ERBB4: variants seen among roughly 807,000 people sequenced by gnomAD.
ERBB4 encodes receptor tyrosine-protein kinase erbB-4.
ERBB4 carries 42 observed loss-of-function variants against 158.0 expected under a neutral mutation model. The observed-to-expected ratio is 0.27, with a 90% CI of 0.21 to 0.34. ERBB4 has a LOEUF of 0.34. ERBB4 is among the 10% of genes least tolerant of loss of function. ERBB4 has a pLI of 1.00. For missense variants in ERBB4, 1,333 were observed against 1,624.1 expected (o/e 0.82, Z 3.08); for synonymous variants, 583 against 558.7 (o/e 1.04, Z -0.61).
Position 211,712,942 on chromosome 2 carries a change from T to C in ERBB4, c.997+593A>G, listed in dbSNP as rs537595562. On this transcript the variant is annotated intron_variant, in intron 8 of 27. Transcript: ENST00000342788. ...TCAGGAGATTTAGACTTTATTTTCA[T>C]CTTGCTTAATTTAGGTTTCATTCTG... Among the ~76,000 whole-genome samples the C allele has an allele frequency of 2.6e-5, 4 of 152,252 alleles. No individual in the cohort carries two copies. The South Asian group carries it at 6.2e-4, about 24-fold the overall frequency.
chr2:211,736,978 CA>C (rs553295189), intron 5 of ERBB4, among the ~76,000 whole-genome samples: 19 of 152,088 alleles, frequency 1.2e-4, no homozygotes, highest in Admixed American at 1.2e-3. Context: ...CAACATTTAC[CA>C]AAAAAGTCAT....
chr2:212,525,819 A>G (rs1692417078), intron 1 of ERBB4, among the ~76,000 whole-genome samples: 1 of 152,018 alleles, frequency 6.6e-6, no homozygotes, highest in Non-Finnish European at 1.5e-5. Context: ...CTGGCAGGTG[A>G]ATGACTACTT....
intron 1 of ERBB4, among the ~76,000 whole-genome samples, chr2:212,394,568 T>C (rs2090970051): frequency 6.6e-6 from 1 of 152,090 alleles, no homozygotes; most frequent in Non-Finnish European, 1.5e-5. Flanking sequence ...AGACCATTAA[T>C]ATTCATTTTG....
At chr2:211,561,302 C>G (rs1227980576) in intron 20 of ERBB4, among the ~76,000 whole-genome samples, 2 of 152,136 alleles carry the variant, frequency 1.3e-5, no homozygotes, top group African/African-American at 4.8e-5. Flanking sequence ...TAATATTCCC[C>G]AATTCACAGT....
intron 16 of ERBB4, among the ~76,000 whole-genome samples, chr2:211,639,392 T>C (rs1327062455): frequency 6.6e-6 from 1 of 152,176 alleles, no homozygotes; most frequent in Non-Finnish European, 1.5e-5. Flanking sequence ...TTACATTAGG[T>C]ACCAAAATTG....
chr2:211,668,768 T>C (rs1414915260), intron 14 of ERBB4, among the ~76,000 whole-genome samples: 3 of 152,130 alleles, frequency 2.0e-5, no homozygotes, highest in African/African-American at 7.2e-5. Flanking sequence ...TAGAGGTGAC[T>C]ATGAGATAAC....
intron 1 of ERBB4, among the ~76,000 whole-genome samples, chr2:212,449,381 T>C (rs766691552): frequency 6.6e-6 from 1 of 152,170 alleles, no homozygotes; most frequent in South Asian, 2.1e-4. Context: ...CTAGCTGCTT[T>C]TGGTAATTTG....
At chr2:211,957,417 C>T (rs74712994) in intron 2 of ERBB4, among the ~76,000 whole-genome samples, 9,962 of 152,120 alleles carry the variant, frequency 0.065, 670 homozygotes, top group East Asian at 0.28. Flanking sequence ...CTTCCAGCTC[C>T]AGAATTGTGA....
intron 3 of ERBB4, among the ~76,000 whole-genome samples, chr2:211,862,725 A>G (rs1575271743): frequency 2.6e-5 from 4 of 152,378 alleles, no homozygotes; most frequent in Non-Finnish European, 5.9e-5. Flanking sequence ...TATTTTACTT[A>G]GAAAAAAGGG....
chr2:211,622,815 T>C (rs1042280819), intron 18 of ERBB4, among the ~76,000 whole-genome samples: 6 of 149,636 alleles, frequency 4.0e-5, no homozygotes, highest in Non-Finnish European at 8.9e-5. Context: ...ATACAAAAAT[T>C]AGCCAGGCAT....
chr2:211,407,359 T>G (rs996341501), intron 25 of ERBB4, among the ~76,000 whole-genome samples: 3 of 152,146 alleles, frequency 2.0e-5, no homozygotes, highest in African/African-American at 7.2e-5. Context: ...TGTAGTAGGC[T>G]CCAAATGAAT....
intron 1 of ERBB4, among the ~76,000 whole-genome samples, chr2:212,280,778 A>C (rs187076848): frequency 6.6e-6 from 1 of 151,770 alleles, no homozygotes; most frequent in East Asian, 1.9e-4. Context: ...TCATGAATTG[A>C]ATGAAACTAA....
At chr2:212,168,389 CT>C (rs1347819362) in intron 1 of ERBB4, among the ~76,000 whole-genome samples, 1 of 152,126 alleles carries the variant, frequency 6.6e-6, no homozygotes, top group Non-Finnish European at 1.5e-5. Flanking sequence ...CATGACATCT[CT>C]TTTCTTCAAT....
chr2:211,391,401 C>T (rs1407059204), intron 25 of ERBB4, among the ~76,000 whole-genome samples: 2 of 152,154 alleles, frequency 1.3e-5, no homozygotes, highest in Admixed American at 6.5e-5. Flanking sequence ...CATCAAAGTC[C>T]AGCTTTGCAG....
At chr2:212,233,167 T>C (rs2083727320) in intron 1 of ERBB4, among the ~76,000 whole-genome samples, 1 of 152,164 alleles carries the variant, frequency 6.6e-6, no homozygotes, top group Non-Finnish European at 1.5e-5. Flanking sequence ...AATAATGATA[T>C]AATGACCATG....
intron 3 of ERBB4, among the ~76,000 whole-genome samples, chr2:211,907,069 C>T (rs2079414075): frequency 6.6e-6 from 1 of 151,774 alleles, no homozygotes; most frequent in African/African-American, 2.4e-5. Flanking sequence ...AGTTGTCCTA[C>T]CAGCTTTGCT....
At chr2:211,732,676 A>C (rs1340681412) in intron 5 of ERBB4, among the ~76,000 whole-genome samples, 1 of 152,210 alleles carries the variant, frequency 6.6e-6, no homozygotes, top group Admixed American at 6.5e-5. Context: ...AAGTAGGGCC[A>C]GGCCGGACAT....
At chr2:211,678,762 C>T (rs1016313397) in intron 13 of ERBB4, among the ~76,000 whole-genome samples, 2 of 151,754 alleles carry the variant, frequency 1.3e-5, no homozygotes, top group East Asian at 1.9e-4. Flanking sequence ...GTTAGGAGTT[C>T]GAGACCATCC....
At chr2:212,265,869 C>T (rs1193760219) in intron 1 of ERBB4, among the ~76,000 whole-genome samples, 1 of 151,978 alleles carries the variant, frequency 6.6e-6, no homozygotes, top group Non-Finnish European at 1.5e-5. Context: ...CACATGGGGT[C>T]CTTTTATGAA....
Sources: allele counts gnomAD v4.1 joint callset (sites outside exome capture counted in the v4.1 genomes callset), GRCh38; gene constraint gnomAD v4.1.1; transcripts MANE v1.5; gene names NCBI Gene and HGNC (gene_info 2026-07-23, HGNC 2026-07-21).